Variants in PKNOX1 observed in about 807,000 individuals in gnomAD.
PKNOX1 encodes the protein homeobox protein PKNOX1.
A neutral mutation model predicts 51.9 loss-of-function variants in PKNOX1; 15 were observed. The observed-to-expected ratio is 0.29, with a 90% CI of 0.19 to 0.45. The LOEUF (loss-of-function observed/expected upper bound fraction) is 0.45, where lower values mean the gene tolerates loss of function less well. Among genes scored for constraint, PKNOX1 ranks in the 20% least tolerant of loss-of-function variants. The pLI is 1.00. For missense variants in PKNOX1, 462 were observed against 547.5 expected, an observed-to-expected ratio of 0.84 and a Z score of 1.56; for synonymous variants, 219 against 211.1, an observed-to-expected ratio of 1.04 and a Z score of -0.32.
intron 5 of PKNOX1, among the ~76,000 whole-genome samples, chr21:43,014,988 C>T (rs935029209): frequency 2.0e-5 from 3 of 152,232 alleles, no homozygotes; most frequent in African/African-American, 7.2e-5. Context: ...TTAAGTCTTC[C>T]AGTCCACAGG....
In PKNOX1 at chr21:43,020,812, G is replaced by A. The variant is rs532764178; in HGVS notation, c.721-491G>A. 3.3e-5 allele frequency among the ~76,000 whole-genome samples: 5 copies of A among 152,360 alleles called. No homozygotes were observed. In the South Asian group the frequency reaches 1.0e-3, roughly 32 times the overall value. On this transcript the variant is annotated intron_variant, in intron 7 of 10. Coordinates refer to ENST00000291547, the MANE Select transcript of PKNOX1 (RefSeq NM_004571.5). The stretch of plus-strand genomic sequence containing the variant: ...AGGTGGGAACAGGTGGTGGGTGAGA[G>A]GACCACGGCATTCCTGCCTGCAGAG...
At position 43,021,181 on chromosome 21, in the gene PKNOX1, TG is replaced by T; in HGVS notation, c.721-119del. 1 of 732,782 alleles carries T rather than the reference TG, an allele frequency of 1.4e-6. No homozygotes were observed. Among genetic ancestry groups the T allele is most frequent in the Non-Finnish European group, 2.2e-6 (1 of 454,802 alleles). The allele number at this position is 732,782 out of a possible 1,614,324, so 45.4% of individuals were successfully genotyped here. On this transcript the variant is annotated intron_variant, in intron 7 of 10. Transcript: ENST00000291547. The surrounding 1 kb of genome is among the most constrained non-coding windows in gnomAD (Gnocchi z 4.6). ...TCAGTCCACACAGGGTTCCCGTGCA[TG>T]GGCCTCGACTACAATCATTTCCCTG...
chr21:42,986,239 A>G (rs2059052071), intron 1 of PKNOX1, among the ~76,000 whole-genome samples: 2 of 152,162 alleles, frequency 1.3e-5, no homozygotes, highest in South Asian at 2.1e-4. Context: ...GCAGTGGCTC[A>G]TGCCTGTAAT....
At chr21:43,008,341 G>A (rs916769968) in intron 3 of PKNOX1, among the ~76,000 whole-genome samples, 44 of 151,888 alleles carry the variant, frequency 2.9e-4, no homozygotes, top group Admixed American at 2.8e-3. Flanking sequence ...TACCAAATAA[G>A]GAAAATACAG....
rs374894113 is a variant in PKNOX1, at chr21:43,012,704, A to G, written c.352-364A>G. 5.3e-5 allele frequency among the ~76,000 whole-genome samples: 8 copies of G among 152,352 alleles called. No homozygotes were observed. The South Asian group carries it at 6.2e-4, about 12-fold the overall frequency. ...ACTAGCCTAGGGTGAGTGTGGATGT[A>G]TCACTATTTGTGGATGTAGAAACAG... On this transcript the variant is annotated intron_variant, in intron 4 of 10. Coordinates refer to ENST00000291547, the MANE Select transcript of PKNOX1 (RefSeq NM_004571.5).
intron 1 of PKNOX1, among the ~76,000 whole-genome samples, chr21:42,992,439 C>G (rs1482476034): frequency 3.9e-5 from 6 of 152,092 alleles, no homozygotes; most frequent in African/African-American, 1.4e-4. Context: ...AGTGTGAACC[C>G]CCCGGTCACA....
At chr21:43,020,156 C>G (rs1979691569) in intron 7 of PKNOX1, among the ~76,000 whole-genome samples, 1 of 151,740 alleles carries the variant, frequency 6.6e-6, no homozygotes, top group Non-Finnish European at 1.5e-5. Context: ...TGGTCTTGAA[C>G]TCCTGGGCTC....
In PKNOX1 at chr21:43,018,186, A is replaced by G; in HGVS notation, c.676A>G (p.Thr226Ala). 2 of 1,613,646 alleles carry G rather than the reference A, an allele frequency of 1.2e-6. No individual in the cohort carries two copies. The highest frequency in any genetic ancestry group is 1.1e-5 in the South Asian group (1 of 91,054). The change falls in exon 7 of 11, where the codon ACA becomes GCA. Residue 226 changes from threonine to alanine, a missense_variant. By Grantham distance (58) the Thr-to-Ala change is moderately conservative. Around this residue, in one of 5 missense-constraint regions of PKNOX1, gnomAD observed 126 missense variants for 128.1 expected, o/e 0.98. Coordinates refer to ENST00000291547, the MANE Select transcript of PKNOX1 (RefSeq NM_004571.5). ...CGTCACTCCCCAAGGCCAAGTGGTC[A>G]CACAGACATTGTCGCCTGGGACAAT... ...TVVTPQGQVVTQTLSPGTIRI... is the reference protein window; with the variant it reads ...TVVTPQGQVVAQTLSPGTIRI...
At chr21:42,987,404 A>AAAAAAT in intron 1 of PKNOX1, among the ~76,000 whole-genome samples, 7 of 41,418 alleles carry the variant, frequency 1.7e-4, no homozygotes, top group African/African-American at 2.8e-4. Context: ...AAAAAAAAAA[A>AAAAAAT]ATATATATAT....
At chr21:42,991,467 C>CTG (rs1394032991) in intron 1 of PKNOX1, among the ~76,000 whole-genome samples, 3 of 152,160 alleles carry the variant, frequency 2.0e-5, no homozygotes, top group African/African-American at 4.8e-5. Flanking sequence ...TGGCTCACGC[C>CTG]TGTAGTCCCA....
At chr21:43,001,676 GT>G (rs1447173365) in intron 1 of PKNOX1, among the ~76,000 whole-genome samples, 2 of 151,998 alleles carry the variant, frequency 1.3e-5, no homozygotes, top group African/African-American at 4.8e-5. Flanking sequence ...TAAAAATAAA[GT>G]TGGCCGGGCT....
chr21:43,016,953 G>T lies in PKNOX1; in HGVS notation c.568G>T (p.Val190Leu). 6.2e-7 allele frequency: 1 copy of T among 1,613,152 alleles called. No homozygotes were observed. The change falls in exon 6 of 11, where the codon GTG becomes TTG. Residue 190 changes from valine (V) to leucine (L), a missense_variant. By Grantham distance (32) the Val-to-Leu change is conservative (BLOSUM62 1). Coordinates refer to ENST00000291547, the MANE Select transcript of PKNOX1 (RefSeq NM_004571.5). ...AGGCACCATCAGCCCTCAGGGAATT[G>T]TGGTGCCGGCGTCCGCGCTGCAGCA... is the stretch of plus-strand genomic sequence containing the variant. The part of the protein sequence containing the change: ...ITGTISPQGI[V>L]VPASALQQGN...
In PKNOX1 at chr21:42,978,312, TATTC is replaced by T. The variant is rs1361730311; in HGVS notation, c.-57+3651_-57+3654del. 4.6e-5 allele frequency among the ~76,000 whole-genome samples: 7 copies of T among 152,142 alleles called. No individual in the cohort carries two copies. The East Asian group carries it at 1.4e-3, about 30-fold the overall frequency. On this transcript the variant is annotated intron_variant, in intron 1 of 10. Coordinates refer to ENST00000291547, the MANE Select transcript of PKNOX1 (RefSeq NM_004571.5). The stretch of plus-strand genomic sequence containing the variant: ...GAGCCAACGGACCTGGCCATTTTCT[TATTC>T]ATGTGTTCACTGGAGTAGCACTTTT...
chr21:42,984,120 C>CAGGG (rs957446414), intron 1 of PKNOX1, among the ~76,000 whole-genome samples: 2 of 151,730 alleles, frequency 1.3e-5, no homozygotes. Context: ...TTTAAAGAGA[C>CAGGG]AGGGTCTCAT....
At chr21:43,015,575 A>C (rs1276414430) in intron 5 of PKNOX1, among the ~76,000 whole-genome samples, 2 of 152,208 alleles carry the variant, frequency 1.3e-5, no homozygotes, top group Non-Finnish European at 2.9e-5. Context: ...TTGGTATCAA[A>C]ATACACAAAC....
chr21:42,987,404 A>AAAATATATATATATATATAT, intron 1 of PKNOX1, among the ~76,000 whole-genome samples: 8 of 41,408 alleles, frequency 1.9e-4, no homozygotes, highest in East Asian at 4.1e-4. Flanking sequence ...AAAAAAAAAA[A>AAAATATATATATATATATAT]ATATATATAT....
chr21:42,979,381 G>A (rs4920022), intron 1 of PKNOX1, among the ~76,000 whole-genome samples: 5,797 of 152,334 alleles, frequency 0.038, 140 homozygotes, highest in Middle Eastern at 0.061. Context: ...GGTTGCCACA[G>A]ATCTTCAACT....
chr21:42,996,285 G>C (rs1204177092), intron 1 of PKNOX1, among the ~76,000 whole-genome samples: 1 of 152,132 alleles, frequency 6.6e-6, no homozygotes, highest in African/African-American at 2.4e-5. Flanking sequence ...TTGTGTAGTG[G>C]GGGAGACCTA....
rs374692466 is a variant in PKNOX1 at position 42,989,353 on chromosome 21, A to G, written c.-57+14689A>G. Among the ~76,000 whole-genome samples the G allele has an allele frequency of 5.3e-5, 8 of 151,686 alleles. No homozygotes were observed. The South Asian group carries it at 6.3e-4, about 12-fold the overall frequency. ...TGATAGTTTTCTCATGGATCTTTTG[A>G]CTGGTCAGGATAACATTGCTTAGAG... On this transcript the variant is annotated intron_variant, in intron 1 of 10. Coordinates refer to ENST00000291547, the MANE Select transcript of PKNOX1 (RefSeq NM_004571.5).
Sources: allele counts gnomAD v4.1 joint callset (sites outside exome capture counted in the v4.1 genomes callset), GRCh38; gene constraint gnomAD v4.1.1; regional missense constraint gnomAD v4.1.1; non-coding constraint Gnocchi (gnomAD v3.1); transcripts MANE v1.5; gene names NCBI Gene and HGNC (gene_info 2026-07-23, HGNC 2026-07-21).